Variants in ARPC4 observed in about 807,000 individuals in gnomAD.
The protein encoded by ARPC4 is actin related protein 2/3 complex subunit 4, also known as actin-related protein 2/3 complex subunit 4.
In ARPC4, 3 loss-of-function variants were observed where a neutral mutation model predicts 22.8. That is an observed-to-expected ratio of 0.13 (90% CI 0.06 to 0.34). ARPC4 has a LOEUF of 0.34. Ranked by LOEUF, ARPC4 falls within the 10% of genes least tolerant of loss-of-function variation. The probability of loss-of-function intolerance (pLI) is 1.00; values close to 1 mark genes in which losing one functional copy is unlikely to be tolerated. For synonymous variants in ARPC4, 80 were observed against 72.5 expected (o/e 1.10, Z -0.52); for missense variants, 98 against 211.0 (o/e 0.46, Z 3.32).
intron 2 of ARPC4, among the ~76,000 whole-genome samples, chr3:9,798,550 C>T (rs1294947474): frequency 1.3e-5 from 2 of 152,130 alleles, no homozygotes; most frequent in Non-Finnish European, 2.9e-5. Context: ...TGCGACAGTG[C>T]ACTCCAGCCT....
At chr3:9,793,464 A>T (rs1044725777) in intron 1 of ARPC4, among the ~76,000 whole-genome samples, 2 of 152,210 alleles carry the variant, frequency 1.3e-5, no homozygotes, top group South Asian at 2.1e-4. Context: ...CCTCTGAGGC[A>T]TGAAGCAAGT....
At chr3:9,803,707 GGTAT>G in intron 4 of ARPC4, 132 bp from the exon 5 acceptor site, 1 of 1,010,472 alleles carries the variant, frequency 9.9e-7, no homozygotes, top group South Asian at 1.4e-5. Context: ...TGACTGGAAG[GGTAT>G]GTAGCTTGGG....
At chr3:9,803,611 G>GAGATGTCTGA in intron 4 of ARPC4, 1 of 677,546 alleles carries the variant, frequency 1.5e-6, no homozygotes, top group Admixed American at 2.0e-5. Context: ...TAGTTTTCCA[G>GAGATGTCTGA]AGATGTCTGA....
chr3:9,800,630 T>G (rs903771319), intron 3 of ARPC4, among the ~76,000 whole-genome samples: 1 of 151,954 alleles, frequency 6.6e-6, no homozygotes, highest in Non-Finnish European at 1.5e-5. Flanking sequence ...TCACCATGTT[T>G]GCCAGGATGG....
At chr3:9,803,263 T>C (rs1405665507) in intron 4 of ARPC4, among the ~76,000 whole-genome samples, 3 of 152,220 alleles carry the variant, frequency 2.0e-5, no homozygotes, top group Non-Finnish European at 2.9e-5. Flanking sequence ...CTCCACAGAC[T>C]CCTTGCCAGG....
Position 9,806,692 on chromosome 3 carries a change from C to G in ARPC4, c.*477C>G. The G allele has an allele frequency of 5.7e-6, 1 of 176,204 alleles. No homozygotes were observed. Among genetic ancestry groups the G allele is most frequent in the East Asian group, 1.8e-4 (1 of 5,670 alleles). The allele number at this position is 176,204 out of a possible 1,614,324, so 10.9% of individuals were successfully genotyped here. ...AGGGAGGTTTCAGACTCCAGTTTCT[C>G]CCTTGCCCTTTTATTCCCAAGCCTC... On this transcript the variant is annotated 3_prime_UTR_variant, in exon 6 of 6. Transcript: ENST00000397261.
At chr3:9,794,602 C>G (rs1346365039) in intron 1 of ARPC4, among the ~76,000 whole-genome samples, 1 of 152,090 alleles carries the variant, frequency 6.6e-6, no homozygotes, top group Non-Finnish European at 1.5e-5. Context: ...CCCAGAAGTT[C>G]GAGGCCGTAG....
chr3:9,799,566 CTGAG>C (rs1469202221), intron 2 of ARPC4, among the ~76,000 whole-genome samples: 1 of 152,072 alleles, frequency 6.6e-6, no homozygotes, highest in Non-Finnish European at 1.5e-5. Context: ...CTTCAGCCTC[CTGAG>C]TATCTGGGAT....
At chr3:9,799,430 C>T (rs988358314) in intron 2 of ARPC4, among the ~76,000 whole-genome samples, 1 of 151,766 alleles carries the variant, frequency 6.6e-6, no homozygotes, top group Non-Finnish European at 1.5e-5. Flanking sequence ...CTTGTCAGCA[C>T]TCGGAAACTT....
intron 1 of ARPC4, among the ~76,000 whole-genome samples, chr3:9,796,777 T>G (rs537747110): frequency 8.3e-4 from 126 of 151,710 alleles, no homozygotes; most frequent in African/African-American, 2.9e-3. Context: ...CTGTCTCTAC[T>G]AAAAATACAA....
intron 1 of ARPC4, among the ~76,000 whole-genome samples, chr3:9,795,803 G>A (rs2078870232): frequency 6.6e-6 from 1 of 152,182 alleles, no homozygotes; most frequent in South Asian, 2.1e-4. Flanking sequence ...CACTTACAAA[G>A]GCATGAAGGA....
Position 9,796,061 on chromosome 3 carries a change from G to A in ARPC4, c.4-1598G>A, listed in dbSNP as rs571253923. ...CAGTGAGCCAAGATTGCACCACTGC[G>A]CTCCAGCCTGGACAACAGAGTAAGA... On this transcript the variant is annotated intron_variant, in intron 1 of 5. Coordinates refer to ENST00000397261, the MANE Select transcript of ARPC4 (RefSeq NM_005718.5). 3.9e-5 allele frequency among the ~76,000 whole-genome samples: 6 copies of A among 151,976 alleles called. No individual in the cohort carries two copies. In the East Asian group the frequency reaches 5.8e-4, roughly 15 times the overall value.
intron 1 of ARPC4, among the ~76,000 whole-genome samples, chr3:9,795,790 A>C (rs2078869824): frequency 6.6e-6 from 1 of 152,202 alleles, no homozygotes; most frequent in South Asian, 2.1e-4. Context: ...GTAAAGGAGA[A>C]ATCACTTACA....
chr3:9,805,278 C>T (rs992928062), intron 5 of ARPC4, among the ~76,000 whole-genome samples: 1 of 152,220 alleles, frequency 6.6e-6, no homozygotes, highest in African/African-American at 2.4e-5. Flanking sequence ...TTTGAGTCAG[C>T]TATTATCGCC....
chr3:9,793,170 T>G, intron 1 of ARPC4, 46 bp downstream of exon 1: 1 of 1,532,410 alleles, frequency 6.5e-7, no homozygotes. Context: ...CTGTTCGGCC[T>G]CAGGGCAGTG....
At chr3:9,792,934 A>C, upstream of ARPC4, 1 of 1,400,434 alleles carries the variant, frequency 7.1e-7, no homozygotes, top group South Asian at 1.5e-5. Context: ...AAAAATACCG[A>C]GACAGCCCTA....
intron 1 of ARPC4, among the ~76,000 whole-genome samples, chr3:9,793,915 C>G (rs1405561146): frequency 2.0e-5 from 3 of 152,296 alleles, no homozygotes; most frequent in South Asian, 2.1e-4. Flanking sequence ...CTTCTCAGCT[C>G]TCTTTCAAGG....
intron 1 of ARPC4, among the ~76,000 whole-genome samples, chr3:9,793,795 G>C (rs116083250): frequency 4.7e-4 from 72 of 151,858 alleles, no homozygotes; most frequent in African/African-American, 1.7e-3. Context: ...GCATTCCTGG[G>C]AGTTGTGACT....
chr3:9,792,956 TC>T (rs1269035840), upstream of ARPC4: 48 of 1,410,932 alleles, frequency 3.4e-5, no homozygotes, highest in Non-Finnish European at 4.3e-5. Context: ...GTGGAAAACT[TC>T]CGGAAGGCCC....
Sources: allele counts gnomAD v4.1 joint callset (sites outside exome capture counted in the v4.1 genomes callset), GRCh38; gene constraint gnomAD v4.1.1; transcripts MANE v1.5; gene names NCBI Gene and HGNC (gene_info 2026-07-23, HGNC 2026-07-21).